The following TMEM59 variants were observed in gnomAD, a reference collection of about 807,000 sequenced individuals.
TMEM59 encodes the protein transmembrane protein 59, also known as dendritic cell factor 1.
In TMEM59, 44 loss-of-function variants were observed where a neutral mutation model predicts 42.2. The observed-to-expected ratio is 1.04, with a 90% CI of 0.82 to 1.34. The LOEUF is 1.34. Among genes scored for constraint, TMEM59 ranks in the 40% most tolerant of loss-of-function variants. The pLI is 0.00. For synonymous variants in TMEM59, 148 were observed against 145.8 expected, an observed-to-expected ratio of 1.02 and a Z score of -0.11; for missense variants, 359 against 382.8, an observed-to-expected ratio of 0.94 and a Z score of 0.52.
intron 6 of TMEM59, among the ~76,000 whole-genome samples, chr1:54,038,111 C>T (rs935665731): frequency 2.6e-5 from 4 of 152,204 alleles, no homozygotes; most frequent in African/African-American, 9.6e-5. Context: ...ATCTATCCTT[C>T]ACATAGAAGC....
Position 54,030,630 on chromosome 1 carries a change from GAAGA to G in TMEM59, c.*1516_*1519del, listed in dbSNP as rs1424134565. 2.0e-5 allele frequency: 3 copies of G among 152,162 alleles called. No homozygotes were observed. Among genetic ancestry groups the G allele is most frequent in the Admixed American group, 1.3e-4 (2 of 15,270 alleles). The allele number at this position is 152,162 out of a possible 1,614,324, so 9.4% of individuals were successfully genotyped here. A position where few individuals can be genotyped will look rare whatever the true frequency, so the allele number is the denominator to read the frequency against. ...TTTATCCCATGTTTTCTAACAAAAA[GAAGA>G]AAGAAACAATGACTGCTTGACAATG... On this transcript the variant is annotated 3_prime_UTR_variant, in exon 8 of 8. Coordinates refer to ENST00000234831, the MANE Select transcript of TMEM59 (RefSeq NM_004872.5).
chr1:54,046,556 G>A (rs559584840), intron 2 of TMEM59, among the ~76,000 whole-genome samples: 9 of 152,236 alleles, frequency 5.9e-5, no homozygotes, highest in Non-Finnish European at 8.8e-5. Flanking sequence ...AAACTGGACA[G>A]CATTATGCAT....
intron 6 of TMEM59, among the ~76,000 whole-genome samples, chr1:54,038,434 T>C (rs1435237839): frequency 3.3e-5 from 5 of 152,224 alleles, no homozygotes; most frequent in Non-Finnish European, 7.3e-5. Context: ...ATCATTATTG[T>C]CCATGTCTGT....
intron 2 of TMEM59, 102 bp from the exon 3 acceptor site, chr1:54,045,888 G>T: frequency 2.0e-6 from 2 of 1,024,170 alleles, no homozygotes; most frequent in Non-Finnish European, 2.7e-6. Context: ...TACTTAAAAA[G>T]GTTTCATCAA....
At position 54,045,631 on chromosome 1, in the gene TMEM59, C is replaced by A; in HGVS notation, c.390+61G>T. On this transcript the variant is annotated intron_variant, in intron 3 of 7. Transcript: ENST00000234831. ...AGGATCAAGTGGGTGATAAACACTT[C>A]AAGCAATACAAGTCAGTGCCATCTA... 4 of 1,500,812 alleles carry A rather than the reference C, an allele frequency of 2.7e-6. No homozygotes were observed. The South Asian group carries it at 4.6e-5, about 17-fold the overall frequency. 93.0% of individuals were successfully genotyped at this position (1,500,812 alleles called of 1,614,324 possible). A position where few individuals can be genotyped will look rare whatever the true frequency, so the allele number is the denominator to read the frequency against.
chr1:54,047,402 C>A (rs1420960770), intron 1 of TMEM59, 30 bp from the exon 2 acceptor site: 8 of 1,561,464 alleles, frequency 5.1e-6, no homozygotes, highest in Non-Finnish European at 7.0e-6. Flanking sequence ...GAAGGGTTAC[C>A]AAAAAATAGT....
intron 5 of TMEM59, 123 bp from the exon 6 acceptor site, chr1:54,040,960 ATT>A: frequency 1.4e-6 from 1 of 712,382 alleles, no homozygotes; most frequent in Non-Finnish European, 2.4e-6. Flanking sequence ...CATCTGATAC[ATT>A]TTATAATGTG....
intron 1 of TMEM59, among the ~76,000 whole-genome samples, chr1:54,050,433 T>C (rs1264838538): frequency 6.6e-6 from 1 of 151,480 alleles, no homozygotes; most frequent in Non-Finnish European, 1.5e-5. Flanking sequence ...TAAAACGAGA[T>C]TTCTATCTCG....
At chr1:54,041,537 A>G (rs1657137002) in intron 5 of TMEM59, among the ~76,000 whole-genome samples, 187 bp downstream of exon 5, 2 of 152,188 alleles carry the variant, frequency 1.3e-5, no homozygotes, top group South Asian at 4.1e-4. Flanking sequence ...GAAACTCTGG[A>G]GGTAGGGCCC....
chr1:54,047,487 T>G (rs1657382734), intron 1 of TMEM59, 115 bp from the exon 2 acceptor site: 3 of 803,662 alleles, frequency 3.7e-6, no homozygotes, highest in Non-Finnish European at 4.0e-6. Context: ...GTCCAGTAAG[T>G]TTCATAACTG....
intron 6 of TMEM59, among the ~76,000 whole-genome samples, chr1:54,040,150 A>C (rs1413361327): frequency 6.6e-6 from 1 of 152,036 alleles, no homozygotes; most frequent in Non-Finnish European, 1.5e-5. Context: ...AAACATACTT[A>C]TTTTATTTAT....
chr1:54,042,402 A>T (rs1481331952), intron 4 of TMEM59, among the ~76,000 whole-genome samples: 1 of 152,172 alleles, frequency 6.6e-6, no homozygotes, highest in Non-Finnish European at 1.5e-5. Context: ...GGAATGAATG[A>T]GGGCTTCACT....
chr1:54,042,361 A>G (rs369831439), intron 4 of TMEM59, among the ~76,000 whole-genome samples: 6 of 152,174 alleles, frequency 3.9e-5, no homozygotes, highest in African/African-American at 1.4e-4. Context: ...CAGACTTTAG[A>G]GAGACACAGA....
At chr1:54,053,228 T>A, upstream of TMEM59, 2 of 1,604,826 alleles carry the variant, frequency 1.2e-6, no homozygotes, top group South Asian at 2.2e-5. Flanking sequence ...TTGTTGCTGT[T>A]TTCTCGGAAG....
chr1:54,053,313 A>G, upstream of TMEM59: 1 of 1,209,066 alleles, frequency 8.3e-7, no homozygotes, highest in Non-Finnish European at 1.1e-6. Flanking sequence ...CTGTCACTTC[A>G]GCTCCGCCCT....
At chr1:54,050,692 G>A (rs966273082) in intron 1 of TMEM59, among the ~76,000 whole-genome samples, 1 of 151,602 alleles carries the variant, frequency 6.6e-6, no homozygotes, top group African/African-American at 2.4e-5. Flanking sequence ...CTGAGTAGCT[G>A]GGATTACAGG....
Position 54,028,543 on chromosome 1 carries a change from G to A in TMEM59, c.*3607C>T, listed in dbSNP as rs549571819. The A allele has an allele frequency of 6.6e-6, 1 of 152,378 alleles. No homozygotes were observed. Among genetic ancestry groups the A allele is most frequent in the Admixed American group, 6.5e-5 (1 of 15,298 alleles). The allele number at this position is 152,378 out of a possible 1,614,324, so 9.4% of individuals were successfully genotyped here. ...CCCATCTTTTGTTATGCTTTTGTAT[G>A]CTCTATCTCGGCCTACTCAACAATC... On this transcript the variant is annotated 3_prime_UTR_variant, in exon 8 of 8. Coordinates refer to ENST00000234831, the MANE Select transcript of TMEM59 (RefSeq NM_004872.5).
At chr1:54,045,996 A>G (rs2100326704) in intron 2 of TMEM59, among the ~76,000 whole-genome samples, 1 of 152,318 alleles carries the variant, frequency 6.6e-6, no homozygotes, top group Admixed American at 6.5e-5. Flanking sequence ...TTAGATACAA[A>G]TCTATTAATT....
intron 1 of TMEM59, among the ~76,000 whole-genome samples, chr1:54,048,330 T>G (rs1473491337): frequency 6.6e-6 from 1 of 152,192 alleles, no homozygotes; most frequent in Non-Finnish European, 1.5e-5. Flanking sequence ...TGTCTAAGAA[T>G]CTCAGCTTTC....
Sources: allele counts gnomAD v4.1 joint callset (sites outside exome capture counted in the v4.1 genomes callset), GRCh38; gene constraint gnomAD v4.1.1; transcripts MANE v1.5; gene names NCBI Gene and HGNC (gene_info 2026-07-23, HGNC 2026-07-21).